Variants in TAC1 observed in about 807,000 individuals in gnomAD.
TAC1 encodes the protein tachykinin precursor 1.
In TAC1, 12 loss-of-function variants were observed where a neutral mutation model predicts 21.7. That is an observed-to-expected ratio of 0.55 (90% CI 0.35 to 0.89). The LOEUF (loss-of-function observed/expected upper bound fraction) is 0.89. Among genes scored for constraint, TAC1 ranks in the 40% least tolerant of loss-of-function variants. The probability of loss-of-function intolerance (pLI) is 0.01; values close to 1 mark genes in which losing one functional copy is unlikely to be tolerated. For missense variants in TAC1, 128 were observed against 151.4 expected, an observed-to-expected ratio of 0.85 and a Z score of 0.81; for synonymous variants, 52 against 52.0, an observed-to-expected ratio of 1.00 and a Z score of 0.00.
intron 4 of TAC1, among the ~76,000 whole-genome samples, 171 bp downstream of exon 4, chr7:97,734,463 C>T (rs1789515221): frequency 1.3e-5 from 2 of 151,834 alleles, no homozygotes; most frequent in South Asian, 4.2e-4. Flanking sequence ...CTCTCTGTCT[C>T]TCTCTCTCTG....
At chr7:97,734,190 T>C in intron 3 of TAC1, 58 bp from the exon 4 acceptor site, 1 of 1,531,960 alleles carries the variant, frequency 6.5e-7, no homozygotes, top group Non-Finnish European at 9.0e-7. Flanking sequence ...TATCGTTTCC[T>C]TGAATTCATC....
chr7:97,732,491 C>A lies in TAC1; in HGVS notation c.-9-113C>A. On this transcript the variant is annotated intron_variant, in intron 1 of 6. Coordinates refer to ENST00000319273, the MANE Select transcript of TAC1 (RefSeq NM_003182.3). The surrounding 1 kb of genome is among the most constrained non-coding windows in gnomAD (Gnocchi z 6.2). ...AGACTTCAGTCCTTATGTTTTTGAT[C>A]TTGGTTCATCCGTTGTGGGGCAGAA... 1 of 1,270,456 alleles carries A rather than the reference C, an allele frequency of 7.9e-7. No homozygotes were observed. The allele number at this position is 1,270,456 out of a possible 1,614,324, so 78.7% of individuals were successfully genotyped here.
In TAC1 at chr7:97,732,642, T is replaced by C. The variant is rs376650997; in HGVS notation, c.30T>C (p.Phe10=). The part of the protein sequence containing the change: MKILVALAV[F]FLVSTQLFAE... ...AAATCCTCGTGGCCTTGGCAGTCTT[T>C]TTTCTTGTCTCCACTCAGCTGTTTG... is the stretch of plus-strand genomic sequence containing the variant. Residue 10 remains phenylalanine (F), a synonymous_variant, in exon 2 of 7, where the codon TTT becomes TTC. Coordinates refer to ENST00000319273, the MANE Select transcript of TAC1 (RefSeq NM_003182.3). The surrounding 1 kb of genome is among the most constrained non-coding windows in gnomAD (Gnocchi z 6.2). 4 of 1,614,152 alleles carry C rather than the reference T, an allele frequency of 2.5e-6. 1 individual carries two copies. The African/African-American group carries it at 4.0e-5, about 16-fold the overall frequency.
At chr7:97,733,619 C>T (rs1789487450) in intron 2 of TAC1, 104 bp from the exon 3 acceptor site, 9 of 1,129,144 alleles carry the variant, frequency 8.0e-6, no homozygotes, top group Non-Finnish European at 1.2e-5. Flanking sequence ...AAGGCCGCCT[C>T]CCCACGCCTC....
At position 97,732,859 on chromosome 7, in the gene TAC1, C is replaced by T; in HGVS notation, c.123+124C>T. On this transcript the variant is annotated intron_variant, in intron 2 of 6. Transcript: ENST00000319273. This position sits in a 1 kb window ranked among gnomAD's most constrained non-coding sequence, Gnocchi z 6.2. ...CCACCACGGAAAGAGGCAGCGGTTGCGTGCGAGAGGATGGAAAGGGGCACT... is the reference window on the plus strand; with the variant it reads ...CCACCACGGAAAGAGGCAGCGGTTGTGTGCGAGAGGATGGAAAGGGGCACT... 9 of 1,283,248 alleles carry T rather than the reference C, an allele frequency of 7.0e-6. No homozygotes were observed. Among genetic ancestry groups the T allele is most frequent in the South Asian group, 1.5e-5 (1 of 67,878 alleles). 79.5% of individuals were successfully genotyped at this position (1,283,248 alleles called of 1,614,324 possible).
Position 97,736,335 on chromosome 7 carries a change from A to G in TAC1, c.326A>G (p.Lys109Arg), listed in dbSNP as rs1396530675. 1 of 1,611,486 alleles carries G rather than the reference A, an allele frequency of 6.2e-7. No homozygotes were observed. The highest frequency in any genetic ancestry group is 2.2e-5 in the East Asian group (1 of 44,662). The change falls in exon 6 of 7, where the codon AAA becomes AGA. Residue 109 changes from lysine to arginine, a missense_variant. Coordinates refer to ENST00000319273, the MANE Select transcript of TAC1 (RefSeq NM_003182.3). ...KTDSFVGLMG[K>R]RALNSVAYER... ...GATTCCTTTGTTGGACTAATGGGCA[A>G]AAGAGCTTTAAATTCTGGTATGTAT...
At position 97,733,811 on chromosome 7, in the gene TAC1, G is replaced by C; in HGVS notation, c.212G>C (p.Arg71Pro). 1 of 1,614,154 alleles carries C rather than the reference G, an allele frequency of 6.2e-7. No homozygotes were observed. Among genetic ancestry groups the C allele is most frequent in the Non-Finnish European group, 8.5e-7 (1 of 1,180,018 alleles). The part of the protein sequence containing the change: ...PQQFFGLMGK[R>P]DADSSIEKQV... ...CAGTTCTTTGGATTAATGGGCAAACGGGATGCTGGTGAGATAGGCGACCGT... is the reference window on the plus strand; with the variant it reads ...CAGTTCTTTGGATTAATGGGCAAACCGGATGCTGGTGAGATAGGCGACCGT... The change falls in exon 3 of 7, where the codon CGG (arginine) becomes CCG (proline). Residue 71 changes from arginine to proline, a missense_variant. Transcript: ENST00000319273.
intron 4 of TAC1, among the ~76,000 whole-genome samples, chr7:97,734,566 A>G (rs577874248): frequency 9.2e-5 from 14 of 152,136 alleles, no homozygotes; most frequent in African/African-American, 3.4e-4. Context: ...CTTATAGTTA[A>G]TAAGAGGCCT....
intron 6 of TAC1, among the ~76,000 whole-genome samples, chr7:97,737,859 A>G (rs1031772056): frequency 6.6e-6 from 1 of 152,032 alleles, no homozygotes; most frequent in African/African-American, 2.4e-5. Flanking sequence ...TATTTGTACC[A>G]ATACATACTA....
In TAC1 at chr7:97,734,260, A is replaced by C. The variant is rs1289818428; in HGVS notation, c.233A>C (p.Glu78Ala). The C allele has an allele frequency of 6.2e-7, 1 of 1,613,890 alleles. No individual in the cohort carries two copies. The highest frequency in any genetic ancestry group is 8.5e-7 in the Non-Finnish European group (1 of 1,179,896). Residue 78 changes from glutamate (E) to alanine (A), a missense_variant, in exon 4 of 7, where the codon GAA (glutamate) becomes GCA (alanine). Transcript: ENST00000319273. ...CGTCTCTTGTCAGATTCCTCAATTG[A>C]AAAACAAGTGGCCCTGTTAAAGGCT... ...MGKRDADSSI[E>A]KQVALLKALY...
In TAC1 at chr7:97,734,807, A is replaced by G. The variant is rs754723721; in HGVS notation, c.266-19A>G. ...AAAAACAAATCTATATGTGTTTGCT[A>G]ATTTTATCTTTCTTCTAGGACATGG... On this transcript the variant is annotated intron_variant, in intron 4 of 6. Coordinates refer to ENST00000319273, the MANE Select transcript of TAC1 (RefSeq NM_003182.3). The G allele has an allele frequency of 7.2e-5, 114 of 1,583,878 alleles. No individual in the cohort carries two copies. Among genetic ancestry groups the G allele is most frequent in the Non-Finnish European group, 8.5e-5 (99 of 1,158,544 alleles).
Position 97,732,976 on chromosome 7 carries a change from G to GTTA in TAC1, c.123+241_123+242insTTA. On this transcript the variant is annotated intron_variant, in intron 2 of 6. Coordinates refer to ENST00000319273, the MANE Select transcript of TAC1 (RefSeq NM_003182.3). The surrounding 1 kb of genome is among the most constrained non-coding windows in gnomAD (Gnocchi z 6.2). The stretch of plus-strand genomic sequence containing the variant: ...CGGCCCAGGAACTCCCTGCAGTAGG[G>GTTA]ATGCCCTCCCGGATGAGCCCGAGAT... The GTTA allele has an allele frequency of 2.3e-6, 1 of 431,322 alleles. No individual in the cohort carries two copies. The highest frequency in any genetic ancestry group is 4.1e-6 in the Non-Finnish European group (1 of 242,234). The allele number at this position is 431,322 out of a possible 1,614,324, so 26.7% of individuals were successfully genotyped here.
At position 97,740,022 on chromosome 7, in the gene TAC1, ATTGT is replaced by A. The variant is rs1489724964; in HGVS notation, c.*106_*109del. 1.8e-5 allele frequency: 15 copies of A among 847,454 alleles called. No homozygotes were observed. The Admixed American group carries it at 2.0e-4, about 11-fold the overall frequency. 52.5% of individuals were successfully genotyped at this position (847,454 alleles called of 1,614,324 possible). ...AGGAATAATTATTTATTTAATAACA[ATTGT>A]TTGGGGTTGAAAATTCAAAAAGTGT... On this transcript the variant is annotated 3_prime_UTR_variant, in exon 7 of 7. Coordinates refer to ENST00000319273, the MANE Select transcript of TAC1 (RefSeq NM_003182.3).
Position 97,732,579 on chromosome 7 carries a change from G to A in TAC1, c.-9-25G>A. 1 of 1,613,474 alleles carries A rather than the reference G, an allele frequency of 6.2e-7. No individual in the cohort carries two copies. The highest frequency in any genetic ancestry group is 8.5e-7 in the Non-Finnish European group (1 of 1,179,730). ...TAGATACATTATTTCTCTCTTTGGTGTCTTCTCCTCCTACCCCTTCCCAGA... is the reference window on the plus strand; with the variant it reads ...TAGATACATTATTTCTCTCTTTGGTATCTTCTCCTCCTACCCCTTCCCAGA... On this transcript the variant is annotated intron_variant, in intron 1 of 6. Coordinates refer to ENST00000319273, the MANE Select transcript of TAC1 (RefSeq NM_003182.3). This position sits in a 1 kb window ranked among gnomAD's most constrained non-coding sequence, Gnocchi z 6.2.
intron 4 of TAC1, 91 bp downstream of exon 4, chr7:97,734,383 T>C: frequency 1.7e-6 from 2 of 1,146,486 alleles, no homozygotes; most frequent in Non-Finnish European, 1.3e-6. Flanking sequence ...ATACAAGATC[T>C]GGGTCATGCC....
At position 97,732,711 on chromosome 7, in the gene TAC1, C is replaced by A; in HGVS notation, c.99C>A (p.Asp33Glu). 1 of 1,614,048 alleles carries A rather than the reference C, an allele frequency of 6.2e-7. No individual in the cohort carries two copies. The highest frequency in any genetic ancestry group is 1.6e-4 in the Middle Eastern group (1 of 6,062). The change falls in exon 2 of 7, where the codon GAC becomes GAA. Residue 33 changes from aspartate (D) to glutamate (E), a missense_variant. By Grantham distance (45) the Asp-to-Glu change is conservative. Transcript: ENST00000319273. This position sits in a 1 kb window ranked among gnomAD's most constrained non-coding sequence, Gnocchi z 6.2. The stretch of plus-strand genomic sequence containing the variant: ...ATGATGATCTGAATTACTGGTCCGA[C>A]TGGTACGACAGCGACCAGATCAAGG... The part of the protein sequence containing the change: ...GANDDLNYWS[D>E]WYDSDQIKEE...
At chr7:97,733,577 C>T (rs556506847) in intron 2 of TAC1, 146 bp from the exon 3 acceptor site, 3 of 673,812 alleles carry the variant, frequency 4.5e-6, no homozygotes, top group African/African-American at 3.7e-5. Context: ...GGCAGCGCCT[C>T]GGGAGGGACC....
intron 4 of TAC1, 67 bp from the exon 5 acceptor site, chr7:97,734,759 A>G (rs528926167): frequency 8.5e-7 from 1 of 1,177,544 alleles, no homozygotes; most frequent in African/African-American, 1.6e-5. Context: ...ATTATTTTAT[A>G]AAAGATATAA....
chr7:97,739,966 C>G lies in TAC1; in HGVS notation c.*46C>G, dbSNP rs372957625. On this transcript the variant is annotated 3_prime_UTR_variant, in exon 7 of 7. Coordinates refer to ENST00000319273, the MANE Select transcript of TAC1 (RefSeq NM_003182.3). ...ATTCAGCTTCATTTGTGTCAATGGG[C>G]AATGACAGGTAAATTAAGACATGCA... The G allele has an allele frequency of 3.0e-6, 4 of 1,353,918 alleles. No individual in the cohort carries two copies. In the South Asian group the frequency reaches 3.9e-5, roughly 13 times the overall value. 83.9% of individuals were successfully genotyped at this position (1,353,918 alleles called of 1,614,324 possible). A position where few individuals can be genotyped will look rare whatever the true frequency, so the allele number is the denominator to read the frequency against.
Sources: gnomAD v4.1 joint callset for allele counts (sites outside exome capture counted in the v4.1 genomes callset) on GRCh38, gnomAD v4.1.1 for gene constraint, Gnocchi (gnomAD v3.1) non-coding constraint, MANE v1.5 for transcripts, NCBI Gene and HGNC (gene_info 2026-07-23, HGNC 2026-07-21) for gene names.